The following GPR158 variants were observed in gnomAD, a reference collection of about 807,000 sequenced individuals.
GPR158 encodes G protein-coupled receptor 158.
In GPR158, 30 loss-of-function variants were observed where a neutral mutation model predicts 78.2. That is an observed-to-expected ratio of 0.38 (90% CI 0.29 to 0.52). GPR158 has a LOEUF of 0.52. GPR158 is among the 20% of genes least tolerant of loss of function. GPR158 has a pLI of 0.83. For synonymous variants in GPR158, 581 were observed against 591.1 expected, an observed-to-expected ratio of 0.98 and a Z score of 0.25; for missense variants, 1,463 against 1,523.5, an observed-to-expected ratio of 0.96 and a Z score of 0.66.
At chr10:25,372,859 A>T (rs1834019509) in intron 2 of GPR158, among the ~76,000 whole-genome samples, 1 of 151,732 alleles carries the variant, frequency 6.6e-6, no homozygotes, top group African/African-American at 2.4e-5. Context: ...TAATAATAAT[A>T]AAATAAATAA....
chr10:25,503,458 A>G (rs1337284703), intron 5 of GPR158, among the ~76,000 whole-genome samples: 2 of 152,182 alleles, frequency 1.3e-5, no homozygotes, highest in Non-Finnish European at 2.9e-5. Flanking sequence ...TTGCCTTGTA[A>G]CAGATTCTGC....
intron 4 of GPR158, among the ~76,000 whole-genome samples, chr10:25,433,024 T>A (rs1353611328): frequency 2.0e-5 from 3 of 152,220 alleles, no homozygotes; most frequent in Non-Finnish European, 4.4e-5. Flanking sequence ...ACTTTGGGGC[T>A]ATAGAATTCT....
intron 9 of GPR158, among the ~76,000 whole-genome samples, chr10:25,596,276 T>C (rs1837403952): frequency 6.6e-6 from 1 of 152,280 alleles, no homozygotes; most frequent in Admixed American, 6.5e-5. Flanking sequence ...TATTCACGAT[T>C]TGTGGCCTTT....
chr10:25,475,008 G>A (rs1163824475), intron 5 of GPR158, among the ~76,000 whole-genome samples: 1 of 152,100 alleles, frequency 6.6e-6, no homozygotes, highest in Non-Finnish European at 1.5e-5. Context: ...GTATTAATGA[G>A]CATAGTCCTA....
At chr10:25,408,178 C>T (rs1834539652) in intron 3 of GPR158, among the ~76,000 whole-genome samples, 1 of 152,174 alleles carries the variant, frequency 6.6e-6, no homozygotes, top group South Asian at 2.1e-4. Flanking sequence ...TTAGTTGAAG[C>T]AAGAAAGCAA....
chr10:25,361,179 A>G (rs1033481655), intron 2 of GPR158, among the ~76,000 whole-genome samples: 8 of 151,976 alleles, frequency 5.3e-5, no homozygotes, highest in Non-Finnish European at 1.0e-4. Context: ...AAATAGAATC[A>G]TATGGTATTT....
At chr10:25,324,957 A>G (rs1487964813) in intron 2 of GPR158, among the ~76,000 whole-genome samples, 6 of 150,996 alleles carry the variant, frequency 4.0e-5, no homozygotes, top group African/African-American at 1.2e-4. Flanking sequence ...TCCTGCCTCA[A>G]CTTCCCGAGT....
chr10:25,319,156 C>T (rs753746447), intron 2 of GPR158, among the ~76,000 whole-genome samples: 1 of 152,152 alleles, frequency 6.6e-6, no homozygotes, highest in African/African-American at 2.4e-5. Context: ...ATAGCCTTTG[C>T]TTTCCTTGTT....
At chr10:25,398,211 A>G (rs1313445204) in intron 3 of GPR158, among the ~76,000 whole-genome samples, 1 of 152,236 alleles carries the variant, frequency 6.6e-6, no homozygotes, top group Non-Finnish European at 1.5e-5. Context: ...CTTCTATTCA[A>G]TAGAAACAGG....
intron 2 of GPR158, among the ~76,000 whole-genome samples, chr10:25,295,225 C>T (rs1006753808): frequency 2.0e-5 from 3 of 152,166 alleles, no homozygotes; most frequent in African/African-American, 7.2e-5. Flanking sequence ...AACATCCATG[C>T]ACTTCTAATC....
At chr10:25,444,217 A>C (rs151018390) in intron 4 of GPR158, among the ~76,000 whole-genome samples, 9 of 149,030 alleles carry the variant, frequency 6.0e-5, no homozygotes, top group Admixed American at 2.0e-4. Context: ...AATACTTCAG[A>C]GAGCAGGAAT....
At chr10:25,214,549 C>CT (rs1853180223) in intron 1 of GPR158, among the ~76,000 whole-genome samples, 1 of 151,832 alleles carries the variant, frequency 6.6e-6, no homozygotes, top group African/African-American at 2.4e-5. Flanking sequence ...ACTAATGTCC[C>CT]TTTTTTGCTC....
chr10:25,451,272 G>T (rs1180919397), intron 4 of GPR158, among the ~76,000 whole-genome samples: 2 of 152,116 alleles, frequency 1.3e-5, no homozygotes, highest in Non-Finnish European at 2.9e-5. Flanking sequence ...ATTCATCAGT[G>T]TGTATTTCCA....
intron 2 of GPR158, among the ~76,000 whole-genome samples, chr10:25,294,776 T>TCCA (rs5783919): frequency 0.6 from 91,497 of 151,730 alleles, 28,219 homozygotes; most frequent in Non-Finnish European, 0.65. Context: ...ATGGAAGCTC[T>TCCA]TAGGCATTGA....
At chr10:25,316,370 A>G (rs995714349) in intron 2 of GPR158, among the ~76,000 whole-genome samples, 1 of 152,216 alleles carries the variant, frequency 6.6e-6, no homozygotes, top group African/African-American at 2.4e-5. Context: ...AGTTCTATTT[A>G]TTAAGTAGTT....
intron 5 of GPR158, among the ~76,000 whole-genome samples, chr10:25,548,883 A>G (rs1417763063): frequency 6.6e-6 from 1 of 152,192 alleles, no homozygotes; most frequent in East Asian, 1.9e-4. Flanking sequence ...TTTCACTTAT[A>G]TTAACAAGTC....
chr10:25,523,110 G>A (rs976282693), intron 5 of GPR158, among the ~76,000 whole-genome samples: 2 of 152,168 alleles, frequency 1.3e-5, no homozygotes, highest in African/African-American at 4.8e-5. Context: ...ACTGAAGAAA[G>A]TGCTGTCTTC....
At chr10:25,296,396 A>T (rs1240376628) in intron 2 of GPR158, among the ~76,000 whole-genome samples, 2 of 152,170 alleles carry the variant, frequency 1.3e-5, no homozygotes, top group Non-Finnish European at 2.9e-5. Flanking sequence ...TGCTACAAGT[A>T]GCCAACCCTA....
chr10:25,591,479 A>G (rs12776408), intron 8 of GPR158, among the ~76,000 whole-genome samples: 2,671 of 152,276 alleles, frequency 0.018, 53 homozygotes, highest in Middle Eastern at 0.048. Context: ...TCACATGAAC[A>G]TGAGCTTGGT....
Sources: gnomAD v4.1 joint callset for allele counts (sites outside exome capture counted in the v4.1 genomes callset) on GRCh38, gnomAD v4.1.1 for gene constraint, MANE v1.5 for transcripts, NCBI Gene and HGNC (gene_info 2026-07-23, HGNC 2026-07-21) for gene names.